AXIN1: variants seen among roughly 807,000 people sequenced by gnomAD.
The protein encoded by AXIN1 is axin-1.
AXIN1 carries 30 observed loss-of-function variants against 76.4 expected under a neutral mutation model. The ratio of observed to expected loss-of-function variants is 0.39; its 90% CI spans 0.29 to 0.53. AXIN1 has a LOEUF of 0.53. Ranked by LOEUF, AXIN1 falls within the 20% of genes least tolerant of loss-of-function variation. The pLI is 0.66. For synonymous variants in AXIN1, 545 were observed against 501.4 expected (o/e 1.09, Z -1.16); for missense variants, 1,140 against 1,198.8 (o/e 0.95, Z 0.72).
intron 1 of AXIN1, among the ~76,000 whole-genome samples, chr16:348,505 G>A (rs982581707): frequency 2.0e-5 from 3 of 152,196 alleles, no homozygotes; most frequent in Non-Finnish European, 2.9e-5. Context: ...CTGGAAGCAC[G>A]AAGGATCCAC....
intron 2 of AXIN1, among the ~76,000 whole-genome samples, chr16:334,162 G>C (rs1031432152): frequency 2.8e-5 from 4 of 142,386 alleles, no homozygotes; most frequent in Non-Finnish European, 4.5e-5. Context: ...ACAGCACCCA[G>C]TACCATGGCA....
intron 2 of AXIN1, among the ~76,000 whole-genome samples, chr16:331,209 C>T (rs952871100): frequency 4.6e-5 from 7 of 151,884 alleles, no homozygotes; most frequent in African/African-American, 1.5e-4. Context: ...ACACTGGACA[C>T]TTATCAATCT....
intron 2 of AXIN1, among the ~76,000 whole-genome samples, chr16:339,775 C>T (rs1437766739): frequency 6.6e-6 from 1 of 152,154 alleles, no homozygotes; most frequent in Non-Finnish European, 1.5e-5. Flanking sequence ...AAGGGGAGCC[C>T]ACGCAAGGGG....
At chr16:332,531 G>A (rs1351330091) in intron 2 of AXIN1, among the ~76,000 whole-genome samples, 6 of 149,452 alleles carry the variant, frequency 4.0e-5, no homozygotes, top group East Asian at 2.0e-4. Context: ...AGCTGAGACC[G>A]TGCCACTGCA....
At chr16:335,874 G>A (rs552240646) in intron 2 of AXIN1, among the ~76,000 whole-genome samples, 51 of 151,156 alleles carry the variant, frequency 3.4e-4, no homozygotes, top group African/African-American at 1.1e-3. Context: ...AAGTTGGAAA[G>A]TAAAATATTT....
chr16:329,789 AT>A (rs773869039), intron 2 of AXIN1, among the ~76,000 whole-genome samples: 3,353 of 131,148 alleles, frequency 0.026, 112 homozygotes, highest in African/African-American at 0.072. Context: ...TTGCCCGGCT[AT>A]TTTTTTTTTT....
In AXIN1 at chr16:304,392, G is replaced by A. The variant is rs928169149; in HGVS notation, c.1166C>T (p.Ala389Val). Residue 389 changes from alanine to valine, a missense_variant, in exon 5 of 11, where the codon GCG becomes GTG. This residue lies in a region of AXIN1 where 708 missense variants were observed against 776.9 expected (regional missense o/e 0.91). Transcript: ENST00000262320. ...CTCCAGGCGGTGGATGAGCTCCTCC[G>A]CGAACTTCTGAGGCTCCACGCGGAC... ...KEVRVEPQKF[A>V]EELIHRLEAV... The A allele has an allele frequency of 6.2e-6, 10 of 1,612,716 alleles. No homozygotes were observed. Among genetic ancestry groups the A allele is most frequent in the South Asian group, 3.3e-5 (3 of 91,086 alleles).
chr16:318,507 C>T (rs1246117815), intron 2 of AXIN1, among the ~76,000 whole-genome samples: 1 of 152,220 alleles, frequency 6.6e-6, no homozygotes, highest in Admixed American at 6.5e-5. Context: ...GCTCCTGTAC[C>T]TGAAGACACA....
chr16:288,896 C>T (rs1270474331), intron 10 of AXIN1, among the ~76,000 whole-genome samples: 1 of 152,206 alleles, frequency 6.6e-6, no homozygotes, highest in African/African-American at 2.4e-5. Flanking sequence ...TTCAGACCAT[C>T]GTCGTCTAGG....
intron 2 of AXIN1, among the ~76,000 whole-genome samples, chr16:336,604 G>A (rs1302996464): frequency 2.0e-5 from 3 of 151,632 alleles, no homozygotes; most frequent in East Asian, 1.9e-4. Context: ...GGCAGATCAC[G>A]AGGTCAGTCC....
rs116350678 is a variant in AXIN1 at position 298,233 on chromosome 16, C to T, written c.1273G>A (p.Gly425Ser). The T allele has an allele frequency of 4.1e-3, 6,268 of 1,539,674 alleles. 203 individuals carry two copies. The African/African-American group carries it at 0.076, about 19-fold the overall frequency. The change falls in exon 6 of 11, where the codon GGC (glycine) becomes AGC (serine). Residue 425 changes from glycine (G) to serine (S), a missense_variant. Transcript: ENST00000262320. The stretch of plus-strand genomic sequence containing the variant: ...CCTGGGGGCCCTGACGATGGATCGC[C>T]GTCCTCACCTTCCTCCTCCTGTGTG... Reference protein sequence around the residue: ...RVRMEEEGEDGDPSSGPPGPC... With the variant: ...RVRMEEEGEDSDPSSGPPGPC...
At chr16:326,402 T>G (rs2053585743) in intron 2 of AXIN1, among the ~76,000 whole-genome samples, 1 of 137,182 alleles carries the variant, frequency 7.3e-6, no homozygotes. Context: ...TATACACACC[T>G]ATAGATAAAT....
At chr16:325,741 C>T (rs2141638762) in intron 2 of AXIN1, among the ~76,000 whole-genome samples, 1 of 152,320 alleles carries the variant, frequency 6.6e-6, no homozygotes, top group South Asian at 2.1e-4. Context: ...AGAGCCATTC[C>T]CCAACACGGC....
At chr16:328,927 G>C (rs931052816) in intron 2 of AXIN1, among the ~76,000 whole-genome samples, 4 of 152,102 alleles carry the variant, frequency 2.6e-5, no homozygotes, top group Non-Finnish European at 5.9e-5. Flanking sequence ...CAGGCACCCT[G>C]TCCTCTCTGC....
chr16:320,959 C>T (rs554616451), intron 2 of AXIN1, among the ~76,000 whole-genome samples: 25 of 152,020 alleles, frequency 1.6e-4, no homozygotes, highest in Admixed American at 3.9e-4. Context: ...AGGCTGGTCT[C>T]GAACGCCTGA....
chr16:314,631 C>T lies in AXIN1; in HGVS notation c.931G>A (p.Ala311Thr), dbSNP rs1326163069. The T allele has an allele frequency of 6.2e-7, 1 of 1,614,024 alleles. No individual in the cohort carries two copies. The highest frequency in any genetic ancestry group is 1.3e-5 in the African/African-American group (1 of 75,064). ...TTGGCACTGGTGGCTGGGGCCAGGG[C>T]ATAGCCGGCATTGACATAATAGGGG... ...VNPYYVNAGY[A>T]LAPATSANDS... The change falls in exon 3 of 11, where the codon GCC becomes ACC. Residue 311 changes from alanine to threonine, a missense_variant. Ala to Thr is a moderately conservative substitution (Grantham distance 58). Transcript: ENST00000262320.
intron 7 of AXIN1, among the ~76,000 whole-genome samples, chr16:296,094 C>G (rs2052704401): frequency 6.6e-6 from 1 of 152,206 alleles, no homozygotes; most frequent in Admixed American, 6.5e-5. Flanking sequence ...ACTGAGACCC[C>G]CTCTACAAAA....
chr16:289,529 C>T lies in AXIN1; in HGVS notation c.2373G>A (p.Gly791=), dbSNP rs2141468180. The stretch of plus-strand genomic sequence containing the variant: ...CCAGGGTGCGGTAGGGGATGGGTTC[C>T]CCGCAGAAGTAGTACGCCACAACGA... The part of the protein sequence containing the change: ...DSIVVAYYFC[G]EPIPYRTLVR... Residue 791 remains glycine (G), a synonymous_variant, in exon 10 of 11, where the codon GGG becomes GGA. Coordinates refer to ENST00000262320, the MANE Select transcript of AXIN1 (RefSeq NM_003502.4). The T allele has an allele frequency of 1.9e-6, 3 of 1,613,006 alleles. No individual in the cohort carries two copies. Among genetic ancestry groups the T allele is most frequent in the Non-Finnish European group, 2.5e-6 (3 of 1,180,022 alleles).
Position 289,429 on chromosome 16 carries a change from C to G in AXIN1, c.2462+11G>C. Reference sequence around the variant, plus strand: ...CGTGCGGGGAGGGGGCACCCCAGCCCTCACACTCACCTGTAGCTGCCCTTT... The same window carrying G: ...CGTGCGGGGAGGGGGCACCCCAGCCGTCACACTCACCTGTAGCTGCCCTTT... On this transcript the variant is annotated intron_variant, in intron 10 of 10. Transcript: ENST00000262320. The G allele has an allele frequency of 6.2e-7, 1 of 1,612,778 alleles. No individual in the cohort carries two copies. The highest frequency in any genetic ancestry group is 8.5e-7 in the Non-Finnish European group (1 of 1,179,968).
Sources: allele counts gnomAD v4.1 joint callset (sites outside exome capture counted in the v4.1 genomes callset), GRCh38; gene constraint gnomAD v4.1.1; regional missense constraint gnomAD v4.1.1; transcripts MANE v1.5; gene names NCBI Gene and HGNC (gene_info 2026-07-23, HGNC 2026-07-21).